PDE3B: variants seen among roughly 807,000 people sequenced by gnomAD.
The protein encoded by PDE3B is cGMP-inhibited 3',5'-cyclic phosphodiesterase 3B.
In PDE3B, 66 loss-of-function variants were observed where a neutral mutation model predicts 116.8. That is an observed-to-expected ratio of 0.56 (90% confidence interval 0.46 to 0.69). PDE3B has a LOEUF of 0.69. Ranked by LOEUF, PDE3B falls within the 30% of genes least tolerant of loss-of-function variation. The pLI is 0.00. For missense variants in PDE3B, 1,384 were observed against 1,368.1 expected (o/e 1.01, Z -0.18); for synonymous variants, 595 against 533.6 (o/e 1.12, Z -1.59).
At chr11:14,666,625 A>G (rs1003634781) in intron 1 of PDE3B, among the ~76,000 whole-genome samples, 4 of 151,858 alleles carry the variant, frequency 2.6e-5, no homozygotes, top group Non-Finnish European at 4.4e-5. Flanking sequence ...TGGGTGAAGG[A>G]CATGAACAGA....
chr11:14,669,405 A>G (rs1344674429), intron 1 of PDE3B, among the ~76,000 whole-genome samples: 2 of 152,154 alleles, frequency 1.3e-5, no homozygotes, highest in Non-Finnish European at 2.9e-5. Context: ...GGGGCACTGA[A>G]CAGGGTGGAG....
chr11:14,739,243 T>A (rs1565116247), intron 1 of PDE3B, among the ~76,000 whole-genome samples: 1 of 152,212 alleles, frequency 6.6e-6, no homozygotes, highest in Non-Finnish European at 1.5e-5. Flanking sequence ...GAGCGTGGAA[T>A]GTGTTTCCAT....
chr11:14,866,367 T>C (rs1555008050), intron 14 of PDE3B, among the ~76,000 whole-genome samples: 1 of 152,184 alleles, frequency 6.6e-6, no homozygotes, highest in Non-Finnish European at 1.5e-5. Context: ...TATTAAACTT[T>C]CTTCAGATAT....
At chr11:14,816,670 T>C (rs912738795) in intron 5 of PDE3B, among the ~76,000 whole-genome samples, 6 of 152,242 alleles carry the variant, frequency 3.9e-5, no homozygotes, top group Non-Finnish European at 7.3e-5. Flanking sequence ...AAAACCAGTA[T>C]ATTTTCCAGC....
the PDE3B span, among the ~76,000 whole-genome samples, chr11:14,889,903 C>A: frequency 6.6e-6 from 1 of 152,066 alleles, no homozygotes; most frequent in African/African-American, 2.4e-5. Flanking sequence ...CCGAGGCGGG[C>A]AGATCACGAG....
At chr11:14,899,005 T>C in the PDE3B span, among the ~76,000 whole-genome samples, 5 of 152,186 alleles carry the variant, frequency 3.3e-5, no homozygotes, top group African/African-American at 1.2e-4. Context: ...ACCCTCTGGC[T>C]GAGCCTGCAC....
intron 1 of PDE3B, among the ~76,000 whole-genome samples, chr11:14,744,602 T>C (rs1046147606): frequency 6.6e-6 from 1 of 152,210 alleles, no homozygotes; most frequent in Non-Finnish European, 1.5e-5. Context: ...CCCATCTCAG[T>C]TCTTTCTCTT....
chr11:14,774,654 G>T (rs1205291968), intron 2 of PDE3B: 1 of 152,062 alleles, frequency 6.6e-6, no homozygotes, highest in Non-Finnish European at 1.5e-5. Context: ...TCAAGATTTT[G>T]CTAAATATAA....
chr11:14,649,850 G>A (rs118115876), intron 1 of PDE3B, among the ~76,000 whole-genome samples: 2,087 of 152,304 alleles, frequency 0.014, 18 homozygotes, highest in Middle Eastern at 0.044. Context: ...TCGCTTAAAG[G>A]CATTCAGTTT....
intron 13 of PDE3B, among the ~76,000 whole-genome samples, chr11:14,860,240 G>A (rs1440773880): frequency 2.6e-5 from 4 of 152,128 alleles, no homozygotes; most frequent in Non-Finnish European, 4.4e-5. Flanking sequence ...TACTTTGAAT[G>A]TGTATTCCTT....
chr11:14,705,507 G>A (rs1855503958), intron 1 of PDE3B, among the ~76,000 whole-genome samples: 1 of 151,690 alleles, frequency 6.6e-6, no homozygotes, highest in Non-Finnish European at 1.5e-5. Context: ...GACTGCAGAG[G>A]CACATGAGGT....
intron 7 of PDE3B, among the ~76,000 whole-genome samples, chr11:14,823,511 T>C (rs1381687123): frequency 2.0e-5 from 3 of 152,108 alleles, no homozygotes; most frequent in Non-Finnish European, 4.4e-5. Flanking sequence ...CCAACTGTTA[T>C]ATAAAGAAGT....
chr11:14,771,890 T>G (rs779046647), intron 1 of PDE3B, 47 bp from the exon 2 acceptor site: 2 of 837,676 alleles, frequency 2.4e-6, no homozygotes, highest in Non-Finnish European at 3.6e-6. Context: ...TTACATATAC[T>G]TTTTTGTTTA....
Position 14,869,468 on chromosome 11 carries a change from A to G in PDE3B, c.3147A>G (p.Pro1049=), listed in dbSNP as rs184319937. 1.5e-4 allele frequency: 241 copies of G among 1,612,602 alleles called. 3 individuals carry two copies. In the Admixed American group the frequency reaches 4.0e-3, roughly 27 times the overall value. ...TTATTTTAAATTTCACAGAACCACC[A>G]AGAAGGAAAAGCAGACGGCGAATAT... ...EMENNLNPKP[P]RRKSRRRIFC... The change falls in exon 16 of 16, where the codon CCA becomes CCG. Residue 1049 remains proline, a synonymous_variant. Transcript: ENST00000282096.
At chr11:14,727,046 A>C (rs1289111117) in intron 1 of PDE3B, among the ~76,000 whole-genome samples, 1 of 152,072 alleles carries the variant, frequency 6.6e-6, no homozygotes, top group Admixed American at 6.6e-5. Context: ...CCCTTTTTGC[A>C]AGGTGGCAAA....
At chr11:14,747,162 T>C (rs1391355167) in intron 1 of PDE3B, among the ~76,000 whole-genome samples, 1 of 152,108 alleles carries the variant, frequency 6.6e-6, no homozygotes, top group Non-Finnish European at 1.5e-5. Context: ...AACAACACAG[T>C]CATCACCAAG....
At chr11:14,751,679 A>G (rs1211501598) in intron 1 of PDE3B, among the ~76,000 whole-genome samples, 1 of 152,226 alleles carries the variant, frequency 6.6e-6, no homozygotes, top group African/African-American at 2.4e-5. Context: ...GGAAATGCCA[A>G]TATAAGACTA....
intron 1 of PDE3B, among the ~76,000 whole-genome samples, chr11:14,682,106 A>G (rs1324840175): frequency 6.6e-6 from 1 of 152,224 alleles, no homozygotes; most frequent in Non-Finnish European, 1.5e-5. Context: ...AATTCATGGA[A>G]GTGGATTATC....
intron 1 of PDE3B, among the ~76,000 whole-genome samples, chr11:14,767,372 C>G (rs142200543): frequency 4.6e-4 from 69 of 151,484 alleles, no homozygotes; most frequent in African/African-American, 1.7e-3. Context: ...GTTTTTATCT[C>G]TTTGTGTGGT....
Sources: allele counts gnomAD v4.1 joint callset (sites outside exome capture counted in the v4.1 genomes callset), GRCh38; gene constraint gnomAD v4.1.1; transcripts MANE v1.5; gene names NCBI Gene and HGNC (gene_info 2026-07-23, HGNC 2026-07-21).